FGD4: variants seen among roughly 807,000 people sequenced by gnomAD.
FGD4 encodes FYVE, RhoGEF and PH domain-containing protein 4.
FGD4 carries 42 observed loss-of-function variants against 102.0 expected under a neutral mutation model. The observed-to-expected ratio is 0.41, with a 90% confidence interval of 0.32 to 0.53. The LOEUF (loss-of-function observed/expected upper bound fraction) is 0.53, where lower values mean the gene tolerates loss of function less well. FGD4 is among the 20% of genes least tolerant of loss of function. The pLI, the probability that FGD4 is intolerant of heterozygous loss-of-function variation, is 0.21. For missense variants in FGD4, 902 were observed against 1,078.2 expected (o/e 0.84, Z 2.29); for synonymous variants, 380 against 375.7 (o/e 1.01, Z -0.13).
chr12:32,625,408 T>TA (rs1950097962), intron 13 of FGD4, among the ~76,000 whole-genome samples: 3 of 151,930 alleles, frequency 2.0e-5, no homozygotes, highest in Admixed American at 6.6e-5. Flanking sequence ...TAGCTGGGAT[T>TA]ATACGTGCAT....
intron 1 of FGD4, among the ~76,000 whole-genome samples, chr12:32,471,363 A>G (rs1029565269): frequency 6.6e-6 from 1 of 152,100 alleles, no homozygotes; most frequent in Non-Finnish European, 1.5e-5. Context: ...TATCTGATCT[A>G]TATCCTATTT....
At chr12:32,607,432 GA>G (rs1415437723) in intron 7 of FGD4, among the ~76,000 whole-genome samples, 1 of 152,062 alleles carries the variant, frequency 6.6e-6, no homozygotes, top group East Asian at 1.9e-4. Context: ...AAAAAAAGAA[GA>G]AAAAAATGCA....
chr12:32,462,420 CAAAG>C (rs1943130037), intron 1 of FGD4, among the ~76,000 whole-genome samples: 2 of 152,214 alleles, frequency 1.3e-5, no homozygotes, highest in Admixed American at 6.5e-5. Flanking sequence ...CTCAGCCTCC[CAAAG>C]TGCTGGGATT....
intron 7 of FGD4, among the ~76,000 whole-genome samples, chr12:32,603,390 AT>A (rs369775159): frequency 5.1e-4 from 75 of 146,610 alleles, no homozygotes; most frequent in Non-Finnish European, 4.8e-4. Flanking sequence ...TATTTTATTT[AT>A]TTTTTTTTTT....
intron 2 of FGD4, among the ~76,000 whole-genome samples, chr12:32,573,630 A>G (rs556834389): frequency 1.1e-4 from 16 of 152,308 alleles, no homozygotes; most frequent in African/African-American, 2.9e-4. Context: ...TCATTCATGT[A>G]TCATCTTCAG....
At chr12:32,589,034 G>A (rs1360646425) in intron 4 of FGD4, among the ~76,000 whole-genome samples, 1 of 152,152 alleles carries the variant, frequency 6.6e-6, no homozygotes, top group Non-Finnish European at 1.5e-5. Flanking sequence ...CTGTGACCTT[G>A]AGCAGATTAC....
chr12:32,566,295 C>G (rs1341032720), intron 2 of FGD4, among the ~76,000 whole-genome samples: 3 of 152,184 alleles, frequency 2.0e-5, no homozygotes, highest in African/African-American at 4.8e-5. Context: ...TCCTCATGAC[C>G]TACTCACCTC....
chr12:32,557,682 T>G (rs906911825), intron 1 of FGD4, among the ~76,000 whole-genome samples: 2 of 152,204 alleles, frequency 1.3e-5, no homozygotes, highest in Non-Finnish European at 2.9e-5. Context: ...TTATTCAGGT[T>G]TAGAAGTTTG....
chr12:32,601,524 A>AT, intron 6 of FGD4, 101 bp downstream of exon 6: 1 of 1,379,134 alleles, frequency 7.3e-7, no homozygotes, highest in South Asian at 1.4e-5. Flanking sequence ...GTAACTAGAC[A>AT]TTTATGCTAA....
chr12:32,548,008 A>C (rs1398218090), intron 1 of FGD4, among the ~76,000 whole-genome samples: 1 of 152,110 alleles, frequency 6.6e-6, no homozygotes, highest in Non-Finnish European at 1.5e-5. Context: ...ACCCGGCCTC[A>C]AGTTATGATT....
chr12:32,643,439 C>T lies in FGD4; in HGVS notation c.*2906C>T, dbSNP rs1176583189. 1 of 149,370 alleles carries T rather than the reference C, an allele frequency of 6.7e-6. No homozygotes were observed. The highest frequency in any genetic ancestry group is 2.4e-5 in the African/African-American group (1 of 41,350). 9.3% of individuals were successfully genotyped at this position (149,370 alleles called of 1,614,324 possible). A position where few individuals can be genotyped will look rare whatever the true frequency, so the allele number is the denominator to read the frequency against. On this transcript the variant is annotated 3_prime_UTR_variant, in exon 17 of 17. Transcript: ENST00000534526. ...AAGGAAGGGAAATGGGAAGGGGCAT[C>T]ATTCCTTGGATTTTAAATAACTATC...
intron 5 of FGD4, chr12:32,600,553 G>GTTTT: frequency 1.3e-6 from 1 of 745,436 alleles, no homozygotes; most frequent in Non-Finnish European, 1.7e-6. Context: ...GAAGGTTTGG[G>GTTTT]TTTTTGTTTT....
At chr12:32,492,612 G>A (rs1333134672) in intron 1 of FGD4, among the ~76,000 whole-genome samples, 1 of 152,132 alleles carries the variant, frequency 6.6e-6, no homozygotes, top group East Asian at 1.9e-4. Context: ...TTATAAAAGT[G>A]TTAAAGCAGG....
intron 1 of FGD4, among the ~76,000 whole-genome samples, chr12:32,433,535 C>T (rs945840855): frequency 6.6e-6 from 1 of 151,872 alleles, no homozygotes; most frequent in Non-Finnish European, 1.5e-5. Flanking sequence ...CGGGGTTTCA[C>T]CATGTTGGCC....
At chr12:32,588,963 G>A (rs1947262173) in intron 4 of FGD4, among the ~76,000 whole-genome samples, 1 of 152,170 alleles carries the variant, frequency 6.6e-6, no homozygotes, top group Non-Finnish European at 1.5e-5. Flanking sequence ...CTAGTGGTCA[G>A]GAACACAGAC....
chr12:32,482,877 G>A (rs1943802680), intron 1 of FGD4, among the ~76,000 whole-genome samples: 1 of 152,174 alleles, frequency 6.6e-6, no homozygotes, highest in Non-Finnish European at 1.5e-5. Context: ...TTCCAGACCT[G>A]CCGTTTACTA....
At chr12:32,414,370 C>T (rs1411403915) in intron 1 of FGD4, among the ~76,000 whole-genome samples, 3 of 152,010 alleles carry the variant, frequency 2.0e-5, no homozygotes, top group Non-Finnish European at 4.4e-5. Context: ...TACAGGCATG[C>T]AACGGGTAAT....
At chr12:32,434,455 A>G (rs1265540168) in intron 1 of FGD4, among the ~76,000 whole-genome samples, 1 of 152,178 alleles carries the variant, frequency 6.6e-6, no homozygotes, top group Non-Finnish European at 1.5e-5. Context: ...TCTCCCTTCA[A>G]GTTGGATAAA....
chr12:32,524,946 C>G (rs1263094929), intron 1 of FGD4, among the ~76,000 whole-genome samples: 1 of 152,100 alleles, frequency 6.6e-6, no homozygotes, highest in Non-Finnish European at 1.5e-5. Flanking sequence ...TGCTGTTGTT[C>G]AGTATGAAAT....
Sources: allele counts gnomAD v4.1 joint callset (sites outside exome capture counted in the v4.1 genomes callset), GRCh38; gene constraint gnomAD v4.1.1; transcripts MANE v1.5; gene names NCBI Gene and HGNC (gene_info 2026-07-23, HGNC 2026-07-21).